The following DDX60L variants were observed in gnomAD, a reference collection of about 807,000 sequenced individuals.
DDX60L encodes probable ATP-dependent RNA helicase DDX60-like.
Under a neutral mutation model 211.6 loss-of-function variants are expected in DDX60L, and 191 were observed. The ratio of observed to expected loss-of-function variants is 0.90; its 90% CI spans 0.80 to 1.02. The LOEUF (loss-of-function observed/expected upper bound fraction) is 1.02. Among genes scored for constraint, DDX60L ranks in the 50% least tolerant of loss-of-function variants. The probability of loss-of-function intolerance (pLI) is 0.00; values close to 1 mark genes in which losing one functional copy is unlikely to be tolerated. For missense variants in DDX60L, 2,007 were observed against 1,984.1 expected (o/e 1.01, Z -0.22); for synonymous variants, 706 against 694.1 (o/e 1.02, Z -0.27).
At chr4:168,391,161 C>A (rs912978045) in intron 29 of DDX60L, among the ~76,000 whole-genome samples, 1 of 151,870 alleles carries the variant, frequency 6.6e-6, no homozygotes, top group Non-Finnish European at 1.5e-5. Context: ...CAGAGAAAGG[C>A]AAATTAAAGG....
chr4:168,409,175 A>T (rs900885627), intron 22 of DDX60L, among the ~76,000 whole-genome samples: 2 of 152,222 alleles, frequency 1.3e-5, no homozygotes, highest in Non-Finnish European at 2.9e-5. Context: ...GTTACTTTAC[A>T]AAAGTAAAGT....
intron 33 of DDX60L, among the ~76,000 whole-genome samples, chr4:168,375,983 C>T (rs1741880723): frequency 6.6e-6 from 1 of 152,184 alleles, no homozygotes; most frequent in African/African-American, 2.4e-5. Context: ...ACATTTTCAT[C>T]TACATTTTGT....
At position 168,415,457 on chromosome 4, in the gene DDX60L, T is replaced by A. The variant is rs756775838; in HGVS notation, c.2930A>T (p.Asp977Val). Reference protein sequence around the residue: ...EKHICSVKHDDVYFDHFHPCA... With the variant: ...EKHICSVKHDVVYFDHFHPCA... ...GGGATGAAAATGATCAAAATAAACA[T>A]CATCATGTTTTACTGAACATATATG... Residue 977 changes from aspartate to valine, a missense_variant, in exon 22 of 38, where the codon GAT (aspartate) becomes GTT (valine). Coordinates refer to ENST00000682922, the MANE Select transcript of DDX60L (RefSeq NM_001012967.3). 4 of 1,608,042 alleles carry A rather than the reference T, an allele frequency of 2.5e-6. No homozygotes were observed. The highest frequency in any genetic ancestry group is 1.7e-4 in the Middle Eastern group (1 of 5,994).
chr4:168,361,036 G>T, intron 37 of DDX60L, 113 bp downstream of exon 37: 1 of 779,866 alleles, frequency 1.3e-6, no homozygotes, highest in Non-Finnish European at 2.1e-6. Flanking sequence ...AGGCTCAATA[G>T]TATCTTCAGA....
intron 1 of DDX60L, among the ~76,000 whole-genome samples, chr4:168,475,459 A>C (rs969504151): frequency 3.9e-5 from 6 of 152,146 alleles, no homozygotes; most frequent in Non-Finnish European, 8.8e-5. Context: ...CTATGTATAC[A>C]GTTATGTTGT....
intron 5 of DDX60L, 140 bp downstream of exon 5, chr4:168,461,559 G>A: frequency 1.6e-6 from 1 of 624,078 alleles, no homozygotes; most frequent in Non-Finnish European, 2.7e-6. Flanking sequence ...CATTATCATT[G>A]TTACCATTAT....
At chr4:168,385,053 C>T (rs1743625776) in intron 29 of DDX60L, among the ~76,000 whole-genome samples, 1 of 152,130 alleles carries the variant, frequency 6.6e-6, no homozygotes, top group Non-Finnish European at 1.5e-5. Context: ...CTCATAAAAT[C>T]CTTGGACTCT....
intron 29 of DDX60L, chr4:168,390,225 T>C (rs1744560203): frequency 9.6e-7 from 1 of 1,041,710 alleles, no homozygotes; most frequent in Non-Finnish European, 1.2e-6. Context: ...TCTTCCAAAC[T>C]AGTGATTTTG....
At chr4:168,471,972 T>C (rs1323361908) in intron 3 of DDX60L, 36 bp from the exon 4 acceptor site, 3 of 1,490,178 alleles carry the variant, frequency 2.0e-6, no homozygotes, top group South Asian at 1.2e-5. Flanking sequence ...AAATCACAGA[T>C]GTTTCACAGA....
intron 9 of DDX60L, among the ~76,000 whole-genome samples, chr4:168,447,171 A>C (rs1253918490): frequency 1.4e-5 from 2 of 147,514 alleles, no homozygotes; most frequent in Admixed American, 6.9e-5. Flanking sequence ...CAATGAACTC[A>C]AACAAATTTA....
intron 4 of DDX60L, chr4:168,470,851 A>AG: frequency 3.5e-6 from 1 of 282,094 alleles, no homozygotes; most frequent in Admixed American, 4.8e-5. Flanking sequence ...AAAAAAAAAA[A>AG]AGAAAGTTCT....
At position 168,425,902 on chromosome 4, in the gene DDX60L, C is replaced by T. The variant is rs144899296; in HGVS notation, c.1930+1168G>A. ...CTACAAGCCATATGAAGACGTAATA[C>T]CTGGAAATAGTATGCACACATCATT... On this transcript the variant is annotated intron_variant, in intron 14 of 37. Transcript: ENST00000682922. Among the ~76,000 whole-genome samples, 774 of 152,260 alleles carry T rather than the reference C, an allele frequency of 5.1e-3. 6 individuals carry two copies. The highest frequency in any genetic ancestry group is 0.017 in the African/African-American group (716 of 41,534).
chr4:168,457,261 TAC>T lies in DDX60L; in HGVS notation c.723+629_723+630del, dbSNP rs70961523. 8.1e-3 allele frequency among the ~76,000 whole-genome samples: 1,182 copies of T among 145,196 alleles called. 20 individuals carry two copies. The highest frequency in any genetic ancestry group is 0.027 in the East Asian group (135 of 5,044). Reference sequence around the variant, plus strand: ...ACCAAAAACATATATATAAACTACATACACACACACACACACACACACACACA... The same window carrying T: ...ACCAAAAACATATATATAAACTACATACACACACACACACACACACACACA... On this transcript the variant is annotated intron_variant, in intron 6 of 37. Coordinates refer to ENST00000682922, the MANE Select transcript of DDX60L (RefSeq NM_001012967.3).
intron 37 of DDX60L, among the ~76,000 whole-genome samples, chr4:168,360,190 A>C (rs1738866015): frequency 6.6e-6 from 1 of 152,210 alleles, no homozygotes; most frequent in South Asian, 2.1e-4. Flanking sequence ...CATGACATTG[A>C]AGTGCCTGGA....
At chr4:168,468,190 A>G (rs560883020) in intron 4 of DDX60L, among the ~76,000 whole-genome samples, 23 of 151,922 alleles carry the variant, frequency 1.5e-4, no homozygotes, top group African/African-American at 5.3e-4. Flanking sequence ...ATAAATAAAT[A>G]AACAAGTAAA....
Position 168,472,798 on chromosome 4 carries a change from T to A in DDX60L, c.-99A>T. On this transcript the variant is annotated 5_prime_UTR_variant, in exon 2 of 38. Coordinates refer to ENST00000682922, the MANE Select transcript of DDX60L (RefSeq NM_001012967.3). Reference sequence around the variant, plus strand: ...ACCTCTAAAATGGCTACATTTGATGTGAATGGCACCTCTGTAATAAAAGAA... The same window carrying A: ...ACCTCTAAAATGGCTACATTTGATGAGAATGGCACCTCTGTAATAAAAGAA... 1 of 1,305,076 alleles carries A rather than the reference T, an allele frequency of 7.7e-7. No homozygotes were observed. The highest frequency in any genetic ancestry group is 2.1e-5 in the Admixed American group (1 of 46,788). 80.8% of individuals were successfully genotyped at this position (1,305,076 alleles called of 1,614,324 possible). A position where few individuals can be genotyped will look rare whatever the true frequency, so the allele number is the denominator to read the frequency against.
At chr4:168,450,255 C>T (rs1162630667) in intron 8 of DDX60L, among the ~76,000 whole-genome samples, 1 of 152,082 alleles carries the variant, frequency 6.6e-6, no homozygotes, top group Non-Finnish European at 1.5e-5. Context: ...CATCAGCCAG[C>T]TCTATAAACT....
At chr4:168,365,702 C>T (rs1361112173) in intron 36 of DDX60L, among the ~76,000 whole-genome samples, 2 of 152,000 alleles carry the variant, frequency 1.3e-5, no homozygotes, top group African/African-American at 2.4e-5. Context: ...ACTCCAAAAC[C>T]AGATAAGGAT....
Position 168,357,061 on chromosome 4 carries a change from T to C in DDX60L, c.*1086A>G, listed in dbSNP as rs1738310686. On this transcript the variant is annotated 3_prime_UTR_variant, in exon 38 of 38. Transcript: ENST00000682922. ...TGGTTGCTGTTTGTTCCCTTATGTT[T>C]GTTTGTATGCTTGTTTTTTAAGTAT... The C allele has an allele frequency of 6.6e-6, 1 of 152,200 alleles. No homozygotes were observed. Among genetic ancestry groups the C allele is most frequent in the Non-Finnish European group, 1.5e-5 (1 of 68,028 alleles). The allele number at this position is 152,200 out of a possible 1,614,324, so 9.4% of individuals were successfully genotyped here.
Sources: allele counts gnomAD v4.1 joint callset (sites outside exome capture counted in the v4.1 genomes callset), GRCh38; gene constraint gnomAD v4.1.1; transcripts MANE v1.5; gene names NCBI Gene and HGNC (gene_info 2026-07-23, HGNC 2026-07-21).